INPP4A: variants seen among roughly 807,000 people sequenced by gnomAD.
The protein encoded by INPP4A is inositol polyphosphate-4-phosphatase, type I, 107kD.
Under a neutral mutation model 119.8 loss-of-function variants are expected in INPP4A, and 33 were observed. That is an observed-to-expected ratio of 0.28 (90% CI 0.21 to 0.37). The LOEUF (loss-of-function observed/expected upper bound fraction) is 0.37, where lower values mean the gene tolerates loss of function less well. Ranked by LOEUF, INPP4A falls within the 10% of genes least tolerant of loss-of-function variation. The pLI is 1.00. For missense variants in INPP4A, 956 were observed against 1,289.9 expected (o/e 0.74, Z 3.97); for synonymous variants, 496 against 500.7 (o/e 0.99, Z 0.12).
chr2:98,548,741 G>A (rs2106137907), intron 13 of INPP4A, among the ~76,000 whole-genome samples: 1 of 152,274 alleles, frequency 6.6e-6, no homozygotes, highest in Non-Finnish European at 1.5e-5. Flanking sequence ...GCCTGAGGTG[G>A]GATGTCTCCC....
intron 1 of INPP4A, among the ~76,000 whole-genome samples, chr2:98,501,997 T>C (rs1683217341): frequency 6.6e-6 from 1 of 152,206 alleles, no homozygotes; most frequent in Admixed American, 6.5e-5. Flanking sequence ...ACCTCAGTTA[T>C]CTTCGTACAT....
intron 1 of INPP4A, among the ~76,000 whole-genome samples, chr2:98,460,517 T>G (rs1473668154): frequency 6.6e-6 from 1 of 152,232 alleles, no homozygotes; most frequent in African/African-American, 2.4e-5. Context: ...TTCATTCTTT[T>G]TGTTTGTGTC....
chr2:98,446,291 A>G (rs544431000), intron 1 of INPP4A, among the ~76,000 whole-genome samples: 1 of 152,272 alleles, frequency 6.6e-6, no homozygotes, highest in African/African-American at 2.4e-5. Context: ...CACTTTCTTT[A>G]ACGGAAATTT....
At chr2:98,504,837 G>A (rs916798122) in intron 1 of INPP4A, among the ~76,000 whole-genome samples, 3 of 152,148 alleles carry the variant, frequency 2.0e-5, no homozygotes, top group Non-Finnish European at 4.4e-5. Context: ...TGCTCTTAAC[G>A]TGGCGCTGTA....
chr2:98,568,811 C>T (rs181867791), intron 22 of INPP4A, 143 bp downstream of exon 22: 35 of 624,406 alleles, frequency 5.6e-5, no homozygotes, highest in African/African-American at 4.2e-4. Context: ...AACACACACA[C>T]GCAGAGAGAG....
chr2:98,447,610 A>G (rs1694415504), intron 1 of INPP4A, among the ~76,000 whole-genome samples: 2 of 152,148 alleles, frequency 1.3e-5, no homozygotes, highest in Non-Finnish European at 1.5e-5. Context: ...GAATAAGCCA[A>G]AGGTTTCTCA....
In INPP4A at chr2:98,577,871, G is replaced by A. The variant is rs182279160; in HGVS notation, c.2786+728G>A. ...AACCTGGTTTCCCGTCTCCTTCGAT[G>A]TAGTCACCAATGCTGTTAAAGTCTC... On this transcript the variant is annotated intron_variant, in intron 24 of 24. Coordinates refer to ENST00000409851, the MANE Select transcript of INPP4A (RefSeq NM_001134225.2). Among the ~76,000 whole-genome samples, 7 of 152,310 alleles carry A rather than the reference G, an allele frequency of 4.6e-5. No individual in the cohort carries two copies. In the East Asian group the frequency reaches 7.7e-4, roughly 17 times the overall value.
Position 98,572,830 on chromosome 2 carries a change from G to T in INPP4A, c.2534G>T (p.Arg845Leu). 6 of 1,562,342 alleles carry T rather than the reference G, an allele frequency of 3.8e-6. No individual in the cohort carries two copies. Among genetic ancestry groups the T allele is most frequent in the Non-Finnish European group, 5.2e-6 (6 of 1,153,738 alleles). The change falls in exon 23 of 25, where the codon CGC (arginine) becomes CTC (leucine). Residue 845 changes from arginine to leucine, a missense_variant. Coordinates refer to ENST00000409851, the MANE Select transcript of INPP4A (RefSeq NM_001134225.2). ...TCTCTTCCAGGCCTGCCTCGGTCTCGCAGTCAGACGTGCCTGCCAGAGCTG... is the reference window on the plus strand; with the variant it reads ...TCTCTTCCAGGCCTGCCTCGGTCTCTCAGTCAGACGTGCCTGCCAGAGCTG... ...VLPEDCLPRS[R>L]SQTCLPELLR... is the part of the protein sequence containing the mutation.
intron 1 of INPP4A, among the ~76,000 whole-genome samples, chr2:98,477,629 C>T (rs1452639833): frequency 2.0e-5 from 3 of 152,250 alleles, no homozygotes; most frequent in African/African-American, 7.2e-5. Flanking sequence ...AAACTGCTCT[C>T]TCTTTGTGAG....
At chr2:98,531,536 A>G (rs192041947) in intron 4 of INPP4A, among the ~76,000 whole-genome samples, 2 of 152,342 alleles carry the variant, frequency 1.3e-5, no homozygotes, top group East Asian at 3.9e-4. Flanking sequence ...ACAAATAAAA[A>G]CAAATGTACC....
intron 1 of INPP4A, among the ~76,000 whole-genome samples, chr2:98,504,924 T>C (rs1683766595): frequency 6.6e-6 from 1 of 152,210 alleles, no homozygotes; most frequent in African/African-American, 2.4e-5. Flanking sequence ...GGTGCAGGAC[T>C]GGCAATGGCA....
chr2:98,466,135 T>C (rs1674739852), intron 1 of INPP4A, among the ~76,000 whole-genome samples: 1 of 152,266 alleles, frequency 6.6e-6, no homozygotes, highest in South Asian at 2.1e-4. Context: ...AACCTCTGTC[T>C]CCTGGATTCA....
intron 1 of INPP4A, among the ~76,000 whole-genome samples, chr2:98,483,634 C>T (rs1170525246): frequency 2.0e-5 from 3 of 152,170 alleles, no homozygotes; most frequent in African/African-American, 4.8e-5. Flanking sequence ...ACTGAATGTC[C>T]CTGTGGTCCA....
rs759042793 is a variant in INPP4A at position 98,591,478 on chromosome 2, A to G, written c.*3870A>G. The G allele has an allele frequency of 6.6e-6, 1 of 152,152 alleles. No homozygotes were observed. Among genetic ancestry groups the G allele is most frequent in the Non-Finnish European group, 1.5e-5 (1 of 68,032 alleles). 9.4% of individuals were successfully genotyped at this position (152,152 alleles called of 1,614,324 possible). The stretch of plus-strand genomic sequence containing the variant: ...CTTACAGTATGTAAAGTCAGAGGGA[A>G]TCCCTCAAGGTCAGGCCTAATTTTG... On this transcript the variant is annotated 3_prime_UTR_variant, in exon 25 of 25. Coordinates refer to ENST00000409851, the MANE Select transcript of INPP4A (RefSeq NM_001134225.2).
At chr2:98,449,156 A>G (rs553613838) in intron 1 of INPP4A, among the ~76,000 whole-genome samples, 2 of 152,318 alleles carry the variant, frequency 1.3e-5, no homozygotes, top group South Asian at 4.1e-4. Flanking sequence ...TGTGTCTTAA[A>G]GGAAGAGAAT....
chr2:98,445,379 C>G lies in INPP4A; in HGVS notation c.-166+294C>G, dbSNP rs971460671. ...GCGGGACGCAGACGCGGTGCCTGCCCGATGCGGCTCCAGGGCTGGGTCTAC... is the reference window on the plus strand; with the variant it reads ...GCGGGACGCAGACGCGGTGCCTGCCGGATGCGGCTCCAGGGCTGGGTCTAC... On this transcript the variant is annotated intron_variant, in intron 1 of 24. Coordinates refer to ENST00000409851, the MANE Select transcript of INPP4A (RefSeq NM_001134225.2). Among the ~76,000 whole-genome samples the G allele has an allele frequency of 1.7e-4, 26 of 152,296 alleles. No individual in the cohort carries two copies. In the East Asian group the frequency reaches 4.4e-3, roughly 26 times the overall value.
At chr2:98,581,584 C>T in intron 24 of INPP4A, 3 of 1,541,938 alleles carry the variant, frequency 1.9e-6, no homozygotes, top group Non-Finnish European at 2.6e-6. Context: ...AGCATTGGAA[C>T]ACGGGAGGTA....
At chr2:98,461,805 C>T (rs965440868) in intron 1 of INPP4A, among the ~76,000 whole-genome samples, 1 of 152,298 alleles carries the variant, frequency 6.6e-6, no homozygotes, top group East Asian at 1.9e-4. Flanking sequence ...TTTCACTGGC[C>T]CACAAGGAGT....
rs1356171484 is a variant in INPP4A, at chr2:98,546,671, C to G, written c.1140C>G (p.His380Gln). 6.2e-6 allele frequency: 10 copies of G among 1,612,096 alleles called. No individual in the cohort carries two copies. Among genetic ancestry groups the G allele is most frequent in the Non-Finnish European group, 8.5e-6 (10 of 1,178,108 alleles). ...FKSGGLRKKL[H>Q]KFEETKKHTS... ...CAGGAGGTCTCCGCAAAAAGCTGCACAAATTTGAAGAGACCAAGAAACAGT... is the reference window on the plus strand; with the variant it reads ...CAGGAGGTCTCCGCAAAAAGCTGCAGAAATTTGAAGAGACCAAGAAACAGT... Residue 380 changes from histidine (H) to glutamine (Q), a missense_variant, in exon 13 of 25, where the codon CAC becomes CAG. By Grantham distance (24) the His-to-Gln change is conservative (BLOSUM62 0). Around this residue, in one of 2 missense-constraint regions of INPP4A, gnomAD observed 652 missense variants for 797.9 expected, o/e 0.82. Coordinates refer to ENST00000409851, the MANE Select transcript of INPP4A (RefSeq NM_001134225.2). The surrounding 1 kb of genome is among the most constrained non-coding windows in gnomAD (Gnocchi z 4.2).
Sources: gnomAD v4.1 joint callset for allele counts (sites outside exome capture counted in the v4.1 genomes callset) on GRCh38, gnomAD v4.1.1 for gene constraint, gnomAD v4.1.1 regional missense constraint, Gnocchi (gnomAD v3.1) non-coding constraint, MANE v1.5 for transcripts, NCBI Gene and HGNC (gene_info 2026-07-23, HGNC 2026-07-21) for gene names.